Variants in ATP9B observed in about 807,000 individuals in gnomAD.
ATP9B encodes ATPase phospholipid transporting 9B, also known as probable phospholipid-transporting ATPase IIB.
In ATP9B, 110 loss-of-function variants were observed where a neutral mutation model predicts 146.1. That is an observed-to-expected ratio of 0.75 (90% confidence interval 0.65 to 0.88). The LOEUF is 0.88. ATP9B is among the 40% of genes least tolerant of loss of function. ATP9B has a pLI of 0.00. For synonymous variants in ATP9B, 604 were observed against 569.7 expected, an observed-to-expected ratio of 1.06 and a Z score of -0.86; for missense variants, 1,499 against 1,496.4, an observed-to-expected ratio of 1.00 and a Z score of -0.03.
chr18:79,180,883 C>G (rs117367893), intron 8 of ATP9B, among the ~76,000 whole-genome samples: 6,002 of 152,106 alleles, frequency 0.039, 176 homozygotes, highest in Middle Eastern at 0.068. Context: ...GTCTCCACCT[C>G]CTGGGTTTAA....
chr18:79,175,030 C>G, intron 7 of ATP9B, among the ~76,000 whole-genome samples: 1 of 151,838 alleles, frequency 6.6e-6, no homozygotes, highest in East Asian at 1.9e-4. Flanking sequence ...GAAACCCTGT[C>G]TCTACTAAAA....
chr18:79,174,215 TC>T, intron 7 of ATP9B: 1 of 424,320 alleles, frequency 2.4e-6, no homozygotes, highest in South Asian at 1.7e-5. Context: ...TAAACTTTAT[TC>T]TAGGAATTTT....
chr18:79,205,770 AT>A (rs60558780), intron 9 of ATP9B, among the ~76,000 whole-genome samples: 3,359 of 152,132 alleles, frequency 0.022, 129 homozygotes, highest in African/African-American at 0.076. Flanking sequence ...TTAAATTGTA[AT>A]TTTCTTCTCT....
At chr18:79,278,303 C>T (rs1328646354) in intron 13 of ATP9B, among the ~76,000 whole-genome samples, 1 of 152,186 alleles carries the variant, frequency 6.6e-6, no homozygotes, top group African/African-American at 2.4e-5. Flanking sequence ...GCGGTAGCTT[C>T]ACTCGAACTC....
chr18:79,193,398 T>A, intron 9 of ATP9B, 135 bp downstream of exon 9: 1 of 719,194 alleles, frequency 1.4e-6, no homozygotes, highest in Non-Finnish European at 2.3e-6. Context: ...CTATATAATG[T>A]TTGAAGTTCT....
chr18:79,322,030 C>T (rs560794664), intron 15 of ATP9B, among the ~76,000 whole-genome samples: 3 of 152,320 alleles, frequency 2.0e-5, no homozygotes, highest in East Asian at 1.9e-4. Flanking sequence ...CCCTCACTTC[C>T]CACTGGAGAT....
At chr18:79,240,317 T>G (rs1213573555) in intron 11 of ATP9B, among the ~76,000 whole-genome samples, 1 of 152,156 alleles carries the variant, frequency 6.6e-6, no homozygotes, top group African/African-American at 2.4e-5. Context: ...AGAAAAAAAT[T>G]TTAATATAGA....
intron 13 of ATP9B, among the ~76,000 whole-genome samples, chr18:79,288,908 A>C (rs2096471935): frequency 6.6e-6 from 1 of 152,188 alleles, no homozygotes; most frequent in Non-Finnish European, 1.5e-5. Context: ...TTCTCGGTTG[A>C]AAATTCTTTT....
At chr18:79,137,524 GC>G (rs2094462263) in intron 5 of ATP9B, among the ~76,000 whole-genome samples, 1 of 152,188 alleles carries the variant, frequency 6.6e-6, no homozygotes, top group African/African-American at 2.4e-5. Context: ...GGCCAGACGT[GC>G]TCTGTGGGTC....
intron 7 of ATP9B, 130 bp from the exon 8 acceptor site, chr18:79,176,683 C>T: frequency 1.5e-6 from 1 of 685,878 alleles, no homozygotes; most frequent in Non-Finnish European, 2.4e-6. Flanking sequence ...AGTTTTGTTC[C>T]TGGGAATATC....
intron 11 of ATP9B, among the ~76,000 whole-genome samples, chr18:79,228,435 T>C (rs1400347255): frequency 6.6e-6 from 1 of 152,172 alleles, no homozygotes; most frequent in Non-Finnish European, 1.5e-5. Flanking sequence ...CACTGAAGGG[T>C]GCATTGCCTT....
At chr18:79,297,840 C>T (rs1210554630) in intron 13 of ATP9B, among the ~76,000 whole-genome samples, 1 of 119,170 alleles carries the variant, frequency 8.4e-6, no homozygotes, top group Non-Finnish European at 1.9e-5. Flanking sequence ...GAAGGAAACA[C>T]TGCAATGACC....
Position 79,113,304 on chromosome 18 carries a change from T to C in ATP9B, c.508T>C (p.Phe170Leu). 1.9e-6 allele frequency: 3 copies of C among 1,602,624 alleles called. No individual in the cohort carries two copies. Among genetic ancestry groups the C allele is most frequent in the Non-Finnish European group, 2.6e-6 (3 of 1,171,098 alleles). The stretch of plus-strand genomic sequence containing the variant: ...TTTTCTAGTAATATCCTGCTCACAG[T>C]TTGTACCAGCATTGAAAATAGGCTA... ...LYFLVISCSQ[F>L]VPALKIGYLY... The change falls in exon 4 of 30, where the codon TTT (phenylalanine) becomes CTT (leucine). Residue 170 changes from phenylalanine (F) to leucine (L), a missense_variant. Transcript: ENST00000426216.
intron 11 of ATP9B, among the ~76,000 whole-genome samples, chr18:79,227,548 G>A (rs939648793): frequency 6.6e-6 from 1 of 152,110 alleles, no homozygotes. Flanking sequence ...ATGAGTCCAG[G>A]GGTTTCTTCT....
chr18:79,332,286 G>T (rs552697198), intron 17 of ATP9B, among the ~76,000 whole-genome samples: 8 of 152,116 alleles, frequency 5.3e-5, no homozygotes, highest in Admixed American at 5.2e-4. Flanking sequence ...AAAATTAGCC[G>T]GGTGTGGTGG....
At chr18:79,157,396 CAAAAAAAAAAAAAAAAA>C (rs147316668) in intron 7 of ATP9B, among the ~76,000 whole-genome samples, 1 of 48,596 alleles carries the variant, frequency 2.1e-5, no homozygotes, top group Non-Finnish European at 3.2e-5. Flanking sequence ...AACTCCATCT[CAAAAAAAAAAAAAAAAA>C]AAAAAAAAAA....
chr18:79,261,307 GAA>G (rs1568520545), intron 12 of ATP9B, among the ~76,000 whole-genome samples: 1 of 152,140 alleles, frequency 6.6e-6, no homozygotes, highest in Non-Finnish European at 1.5e-5. Flanking sequence ...CCTTACTTGA[GAA>G]AAGAGTCTTT....
At chr18:79,356,583 G>C (rs1212764219) in intron 25 of ATP9B, among the ~76,000 whole-genome samples, 1 of 152,236 alleles carries the variant, frequency 6.6e-6, no homozygotes, top group African/African-American at 2.4e-5. Context: ...CAGCAACCTA[G>C]ATGAATCTCC....
At chr18:79,226,721 A>G (rs1221490296) in intron 11 of ATP9B, among the ~76,000 whole-genome samples, 5 of 152,212 alleles carry the variant, frequency 3.3e-5, no homozygotes, top group Non-Finnish European at 7.3e-5. Flanking sequence ...AGAGGACTCA[A>G]ATGAAAATAA....
Sources: allele counts gnomAD v4.1 joint callset (sites outside exome capture counted in the v4.1 genomes callset), GRCh38; gene constraint gnomAD v4.1.1; transcripts MANE v1.5; gene names NCBI Gene and HGNC (gene_info 2026-07-23, HGNC 2026-07-21).